The following CAMTA1 variants were observed in gnomAD, a reference collection of about 807,000 sequenced individuals.
CAMTA1 encodes calmodulin binding transcription activator 1, also known as calmodulin-binding transcription activator 1.
In CAMTA1, 27 loss-of-function variants were observed where a neutral mutation model predicts 170.9. The observed-to-expected ratio is 0.16, with a 90% confidence interval of 0.12 to 0.22. The LOEUF is 0.22. Among genes scored for constraint, CAMTA1 ranks in the 10% least tolerant of loss-of-function variants. The probability of loss-of-function intolerance (pLI) is 1.00; values close to 1 mark genes in which losing one functional copy is unlikely to be tolerated. For missense variants in CAMTA1, 1,619 were observed against 2,217.2 expected (o/e 0.73, Z 5.42); for synonymous variants, 833 against 891.5 (o/e 0.93, Z 1.17).
In CAMTA1 at chr1:7,661,805, C is replaced by T. The variant is rs139873665; in HGVS notation, c.744C>T (p.Leu248=). The T allele has an allele frequency of 9.9e-6, 16 of 1,613,498 alleles. No homozygotes were observed. Among genetic ancestry groups the T allele is most frequent in the African/African-American group, 4.0e-5 (3 of 74,898 alleles). Residue 248 remains leucine, a synonymous_variant, in exon 8 of 23, where the codon CTC becomes CTT. Coordinates refer to ENST00000303635, the MANE Select transcript of CAMTA1 (RefSeq NM_015215.4). ...FSVEQLVQQI[L]DSHQTKPQPR... The stretch of plus-strand genomic sequence containing the variant: ...TGGAACAGCTGGTGCAGCAGATCCT[C>T]GACAGCCACCAGACCAAGCCCCAGC...
chr1:7,037,276 G>T (rs1703733181), intron 3 of CAMTA1, among the ~76,000 whole-genome samples: 1 of 152,214 alleles, frequency 6.6e-6, no homozygotes, highest in Admixed American at 6.5e-5. Flanking sequence ...TTTAAAAACA[G>T]AAGTTTGAGA....
At chr1:6,862,033 G>C (rs1453718315) in intron 3 of CAMTA1, among the ~76,000 whole-genome samples, 4 of 151,132 alleles carry the variant, frequency 2.6e-5, no homozygotes, top group African/African-American at 9.8e-5. Context: ...TGCAATCTTG[G>C]CTCACTGCAA....
chr1:6,998,046 A>G (rs1424377656), intron 3 of CAMTA1, among the ~76,000 whole-genome samples: 1 of 151,390 alleles, frequency 6.6e-6, no homozygotes, highest in East Asian at 2.0e-4. Context: ...TCTTAACCTC[A>G]CTAAATTATT....
chr1:7,503,607 C>CAGTG (rs1262115404), intron 6 of CAMTA1, among the ~76,000 whole-genome samples: 1 of 152,210 alleles, frequency 6.6e-6, no homozygotes, highest in Non-Finnish European at 1.5e-5. Context: ...CCAGGCCTGA[C>CAGTG]AGTGGCCAGG....
At chr1:7,645,626 G>A (rs984427882) in intron 7 of CAMTA1, among the ~76,000 whole-genome samples, 3 of 152,242 alleles carry the variant, frequency 2.0e-5, no homozygotes, top group East Asian at 1.9e-4. Flanking sequence ...TCGAAGGCCC[G>A]GAAATCAGCA....
intron 6 of CAMTA1, among the ~76,000 whole-genome samples, chr1:7,552,804 C>T (rs562980255): frequency 2.6e-5 from 4 of 152,316 alleles, no homozygotes; most frequent in East Asian, 3.9e-4. Context: ...CCACAGCTCC[C>T]GGGATGGCGT....
At chr1:7,172,122 A>G (rs1223837640) in intron 4 of CAMTA1, among the ~76,000 whole-genome samples, 1 of 151,150 alleles carries the variant, frequency 6.6e-6, no homozygotes, top group Non-Finnish European at 1.5e-5. Context: ...TTCAGGTTGA[A>G]TCAAGTGGAG....
intron 5 of CAMTA1, among the ~76,000 whole-genome samples, chr1:7,406,465 A>G (rs1208729857): frequency 1.3e-5 from 2 of 152,160 alleles, no homozygotes; most frequent in African/African-American, 4.8e-5. Flanking sequence ...TTCTTTTTAT[A>G]CTGGACACTC....
At chr1:7,120,105 A>C (rs1644557149) in intron 4 of CAMTA1, among the ~76,000 whole-genome samples, 1 of 152,216 alleles carries the variant, frequency 6.6e-6, no homozygotes, top group South Asian at 2.1e-4. Flanking sequence ...AGGAATGAGG[A>C]CCAGAACTCA....
intron 11 of CAMTA1, among the ~76,000 whole-genome samples, chr1:7,727,432 A>G (rs2096698012): frequency 2.6e-5 from 4 of 152,146 alleles, no homozygotes; most frequent in Admixed American, 1.3e-4. Context: ...TCTGCTTTGT[A>G]TTAATTTAAA....
intron 3 of CAMTA1, among the ~76,000 whole-genome samples, chr1:6,835,126 C>T (rs1652421706): frequency 6.6e-6 from 1 of 152,156 alleles, no homozygotes; most frequent in Non-Finnish European, 1.5e-5. Flanking sequence ...CTATACCTGT[C>T]CAGTACTGAA....
At chr1:6,955,691 C>T (rs910780420) in intron 3 of CAMTA1, among the ~76,000 whole-genome samples, 1 of 152,126 alleles carries the variant, frequency 6.6e-6, no homozygotes, top group Non-Finnish European at 1.5e-5. Flanking sequence ...AGCTCCGTGC[C>T]TGGTAAGATG....
At chr1:7,696,874 T>C (rs1179454787) in intron 11 of CAMTA1, among the ~76,000 whole-genome samples, 1 of 152,106 alleles carries the variant, frequency 6.6e-6, no homozygotes, top group Non-Finnish European at 1.5e-5. Flanking sequence ...TGCATGGACA[T>C]GTGGGAATTC....
At chr1:7,280,201 C>T (rs1368019713) in intron 5 of CAMTA1, among the ~76,000 whole-genome samples, 2 of 152,254 alleles carry the variant, frequency 1.3e-5, no homozygotes, top group East Asian at 3.8e-4. Context: ...CACCAAGGCA[C>T]CTGGCCTCAC....
chr1:6,880,334 C>T (rs978023334), intron 3 of CAMTA1, among the ~76,000 whole-genome samples: 6 of 149,836 alleles, frequency 4.0e-5, no homozygotes, highest in African/African-American at 7.4e-5. Context: ...CTCAACCTCC[C>T]AACGTGTGGG....
intron 5 of CAMTA1, among the ~76,000 whole-genome samples, chr1:7,301,860 C>T (rs1251066361): frequency 6.6e-6 from 1 of 152,166 alleles, no homozygotes; most frequent in African/African-American, 2.4e-5. Flanking sequence ...CCACCCTGAG[C>T]CAAGCTGCTC....
chr1:7,524,798 G>A (rs1171545470), intron 6 of CAMTA1, among the ~76,000 whole-genome samples: 1 of 152,026 alleles, frequency 6.6e-6, no homozygotes, highest in Non-Finnish European at 1.5e-5. Flanking sequence ...GGCCCGGTGG[G>A]TAAGGGGTCC....
At position 7,357,469 on chromosome 1, in the gene CAMTA1, CACTT is replaced by C. The variant is rs1557582160; in HGVS notation, c.438+107846_438+107849del. Among the ~76,000 whole-genome samples, 13 of 152,314 alleles carry C rather than the reference CACTT, an allele frequency of 8.5e-5. No individual in the cohort carries two copies. The South Asian group carries it at 2.7e-3, about 32-fold the overall frequency. ...CCTGGCTGCAGAACCCTGGGCAACT[CACTT>C]ACCTCTCTGAGCTTCCATTTCTTTG... On this transcript the variant is annotated intron_variant, in intron 5 of 22. Coordinates refer to ENST00000303635, the MANE Select transcript of CAMTA1 (RefSeq NM_015215.4).
At chr1:7,571,534 G>C (rs536662100) in intron 6 of CAMTA1, among the ~76,000 whole-genome samples, 1 of 152,074 alleles carries the variant, frequency 6.6e-6, no homozygotes, top group South Asian at 2.1e-4. Context: ...TCCCCTCTTT[G>C]TGCCCATGTG....
Sources: allele counts gnomAD v4.1 joint callset (sites outside exome capture counted in the v4.1 genomes callset), GRCh38; gene constraint gnomAD v4.1.1; transcripts MANE v1.5; gene names NCBI Gene and HGNC (gene_info 2026-07-23, HGNC 2026-07-21).